The following EYA1 variants were observed in gnomAD, a reference collection of about 807,000 sequenced individuals.
EYA1 encodes the protein EYA transcriptional coactivator and phosphatase 1.
In EYA1, 16 loss-of-function variants were observed where a neutral mutation model predicts 82.0. That is an observed-to-expected ratio of 0.20 (90% CI 0.13 to 0.30). The LOEUF is 0.30. Ranked by LOEUF, EYA1 falls within the 10% of genes least tolerant of loss-of-function variation. The probability of loss-of-function intolerance (pLI) is 1.00; values close to 1 mark genes in which losing one functional copy is unlikely to be tolerated. For synonymous variants in EYA1, 261 were observed against 264.4 expected, an observed-to-expected ratio of 0.99 and a Z score of 0.12; for missense variants, 633 against 730.7, an observed-to-expected ratio of 0.87 and a Z score of 1.54.
rs529707569 is a variant in EYA1, at chr8:71,420,833, G to A, written c.34-64322C>T. 2.6e-5 allele frequency among the ~76,000 whole-genome samples: 4 copies of A among 152,236 alleles called. No homozygotes were observed. The South Asian group carries it at 6.2e-4, about 24-fold the overall frequency. ...TCACTCTTCTATATTATTTTTAAAA[G>A]CATCATTTTGTGAGAGGCAAAGGTA... is the stretch of plus-strand genomic sequence containing the variant. On this transcript the variant is annotated intron_variant, in intron 2 of 18. Coordinates refer to the EYA1 transcript ENST00000643681.
chr8:71,372,550 T>G (rs1245846331), intron 2 of EYA1, among the ~76,000 whole-genome samples: 1 of 152,022 alleles, frequency 6.6e-6, no homozygotes, highest in African/African-American at 2.4e-5. Flanking sequence ...TAATTTCTGG[T>G]TCTTATGGAA....
chr8:71,412,461 G>C (rs1186386118), intron 2 of EYA1, among the ~76,000 whole-genome samples: 1 of 151,748 alleles, frequency 6.6e-6, no homozygotes, highest in Admixed American at 6.6e-5. Flanking sequence ...TATCTTAGAT[G>C]CAATAATAGT....
chr8:71,391,024 A>AGTGC (rs1428026609), intron 2 of EYA1, among the ~76,000 whole-genome samples: 8 of 152,010 alleles, frequency 5.3e-5, no homozygotes, highest in African/African-American at 1.7e-4. Flanking sequence ...TCCAGGCTGG[A>AGTGC]GTGCAGTGGT....
intron 2 of EYA1, among the ~76,000 whole-genome samples, chr8:71,486,033 G>A (rs1019651750): frequency 5.9e-5 from 9 of 152,134 alleles, no homozygotes; most frequent in South Asian, 2.1e-4. Flanking sequence ...CAGTTCTGGC[G>A]GAATCTTCAT....
chr8:71,266,476 G>A (rs1260077382), intron 11 of EYA1, among the ~76,000 whole-genome samples: 1 of 152,148 alleles, frequency 6.6e-6, no homozygotes, highest in Non-Finnish European at 1.5e-5. Context: ...AAATCATTAA[G>A]TAGACTTCCT....
intron 2 of EYA1, among the ~76,000 whole-genome samples, chr8:71,470,066 G>A (rs140784939): frequency 5.9e-5 from 9 of 152,030 alleles, no homozygotes; most frequent in African/African-American, 2.2e-4. Flanking sequence ...TTACTTACAA[G>A]AAACAAACAA....
At chr8:71,282,378 C>A (rs577357882) in intron 9 of EYA1, among the ~76,000 whole-genome samples, 1 of 152,350 alleles carries the variant, frequency 6.6e-6, no homozygotes, top group Non-Finnish European at 1.5e-5. Context: ...AATTGAGAAT[C>A]CCTGCTGCTT....
chr8:71,480,609 A>G (rs1463932143), intron 2 of EYA1, among the ~76,000 whole-genome samples: 4 of 152,190 alleles, frequency 2.6e-5, no homozygotes, highest in African/African-American at 9.6e-5. Flanking sequence ...AAAAAATCCC[A>G]TGAATTCCTT....
intron 17 of EYA1, 79 bp from the exon 18 acceptor site, chr8:71,199,499 A>G (rs1806661501): frequency 1.2e-6 from 1 of 866,574 alleles, no homozygotes; most frequent in East Asian, 2.6e-5. Flanking sequence ...ATCCACTCCC[A>G]TGCTGACCCC....
At chr8:71,517,929 C>G (rs893543229) in intron 2 of EYA1, among the ~76,000 whole-genome samples, 1 of 151,670 alleles carries the variant, frequency 6.6e-6, no homozygotes, top group Non-Finnish European at 1.5e-5. Flanking sequence ...ATTGTCTAAA[C>G]TAGCAGTTTC....
chr8:71,228,569 T>C (rs1810831429), intron 12 of EYA1, among the ~76,000 whole-genome samples: 1 of 152,240 alleles, frequency 6.6e-6, no homozygotes, highest in Non-Finnish European at 1.5e-5. Context: ...GTTTATATGT[T>C]ATTCAGGAAA....
At chr8:71,485,398 AG>A (rs1810482972) in intron 2 of EYA1, among the ~76,000 whole-genome samples, 1 of 152,214 alleles carries the variant, frequency 6.6e-6, no homozygotes, top group Non-Finnish European at 1.5e-5. Flanking sequence ...TCTCAAAGTT[AG>A]GGGGACATAA....
intron 12 of EYA1, among the ~76,000 whole-genome samples, chr8:71,219,107 T>G (rs1298932485): frequency 6.6e-6 from 1 of 152,206 alleles, no homozygotes; most frequent in East Asian, 1.9e-4. Flanking sequence ...CTAACAGCTG[T>G]GAACGACCCC....
At chr8:71,263,412 C>A (rs1171911812) in intron 11 of EYA1, among the ~76,000 whole-genome samples, 1 of 152,196 alleles carries the variant, frequency 6.6e-6, no homozygotes, top group Non-Finnish European at 1.5e-5. Flanking sequence ...CAACCTGGAA[C>A]ATCCCCACTC....
chr8:71,400,060 C>CA (rs1829866720), intron 2 of EYA1, among the ~76,000 whole-genome samples: 2 of 152,040 alleles, frequency 1.3e-5, no homozygotes, highest in South Asian at 2.1e-4. Flanking sequence ...TTCCCTATTC[C>CA]AAAAAATGGT....
rs1007662215 is a variant in EYA1 at position 71,304,815 on chromosome 8, T to C, written c.557-5095A>G. Among the ~76,000 whole-genome samples, 10 of 142,910 alleles carry C rather than the reference T, an allele frequency of 7.0e-5. 3 individuals carry two copies. Among genetic ancestry groups the C allele is most frequent in the Non-Finnish European group, 1.1e-4 (7 of 62,830 alleles). The allele number at this position is 142,910 out of a possible 152,430, so 93.8% of individuals were successfully genotyped here. On this transcript the variant is annotated intron_variant, in intron 7 of 17. Transcript: ENST00000340726. Reference sequence around the variant, plus strand: ...TCTGGAGTAAGGGGCTCCACTTTGATAGCTAATTCAATGGAGACTTCAGTG... The same window carrying C: ...TCTGGAGTAAGGGGCTCCACTTTGACAGCTAATTCAATGGAGACTTCAGTG...
At chr8:71,352,502 C>G (rs1005882605) in intron 3 of EYA1, among the ~76,000 whole-genome samples, 1 of 152,150 alleles carries the variant, frequency 6.6e-6, no homozygotes, top group Admixed American at 6.5e-5. Context: ...CTTCTAACTT[C>G]ACTTGCTAAC....
chr8:71,362,215 T>TCCTAACC (rs984541439), upstream of EYA1: 8 of 967,298 alleles, frequency 8.3e-6, no homozygotes, highest in Non-Finnish European at 9.8e-6. Context: ...TATTCTCTTG[T>TCCTAACC]CCTAACCTTA....
chr8:71,248,281 G>A (rs1438670439), intron 11 of EYA1, among the ~76,000 whole-genome samples: 1 of 152,168 alleles, frequency 6.6e-6, no homozygotes, highest in Non-Finnish European at 1.5e-5. Context: ...GCAGCTAACT[G>A]GAATGAGACA....
Sources: gnomAD v4.1 joint callset for allele counts (sites outside exome capture counted in the v4.1 genomes callset) on GRCh38, gnomAD v4.1.1 for gene constraint, MANE v1.5 for transcripts, NCBI Gene and HGNC (gene_info 2026-07-23, HGNC 2026-07-21) for gene names.